TMEM154: variants seen among roughly 807,000 people sequenced by gnomAD.
TMEM154 encodes transmembrane protein 154.
A neutral mutation model predicts 24.5 loss-of-function variants in TMEM154; 27 were observed. The observed-to-expected ratio is 1.10, with a 90% CI of 0.81 to 1.52. The LOEUF (loss-of-function observed/expected upper bound fraction) is 1.52. Among genes scored for constraint, TMEM154 ranks in the 40% most tolerant of loss-of-function variants. The pLI, the probability that TMEM154 is intolerant of heterozygous loss-of-function variation, is 0.00. For synonymous variants in TMEM154, 67 were observed against 76.8 expected, an observed-to-expected ratio of 0.87 and a Z score of 0.67; for missense variants, 228 against 213.4, an observed-to-expected ratio of 1.07 and a Z score of -0.43.
intron 5 of TMEM154, among the ~76,000 whole-genome samples, chr4:152,642,264 ACTGTAGAGTGTTGAATTTGACAGAC>A (rs1303314398): frequency 2.0e-5 from 3 of 151,952 alleles, no homozygotes; most frequent in Non-Finnish European, 4.4e-5. Context: ...TTCTAACTCT[ACTGTAGAGTGTTGAATTTGACAGAC>A]CCTAGGGTAT....
At chr4:152,631,793 CTTTTTTTTTT>C (rs34455123) in intron 6 of TMEM154, among the ~76,000 whole-genome samples, 8 of 61,430 alleles carry the variant, frequency 1.3e-4, no homozygotes, top group Admixed American at 5.3e-4. Context: ...ATCTATCCCC[CTTTTTTTTTT>C]TTTTTTTTTT....
chr4:152,678,445 G>T (rs1159552577), intron 1 of TMEM154, among the ~76,000 whole-genome samples: 1 of 151,174 alleles, frequency 6.6e-6, no homozygotes, highest in African/African-American at 2.4e-5. Flanking sequence ...GTGGAAGGAG[G>T]ATGGCTAGGC....
chr4:152,672,006 G>T (rs1420618229), intron 1 of TMEM154, among the ~76,000 whole-genome samples: 1 of 150,288 alleles, frequency 6.7e-6, no homozygotes, highest in Non-Finnish European at 1.5e-5. Context: ...TATAATCCCA[G>T]GACTTTGGGA....
intron 6 of TMEM154, among the ~76,000 whole-genome samples, chr4:152,629,631 A>G (rs1262748014): frequency 1.3e-5 from 2 of 152,002 alleles, no homozygotes; most frequent in Non-Finnish European, 2.9e-5. Flanking sequence ...ATTTGAAGTG[A>G]CCTCTGCTTC....
chr4:152,671,523 A>G (rs914222238), intron 1 of TMEM154, among the ~76,000 whole-genome samples: 3 of 151,586 alleles, frequency 2.0e-5, no homozygotes, highest in Non-Finnish European at 4.4e-5. Flanking sequence ...CGAGGCGGGC[A>G]GATCACGAGG....
chr4:152,640,290 A>G (rs960603089), intron 6 of TMEM154, among the ~76,000 whole-genome samples: 2 of 152,154 alleles, frequency 1.3e-5, no homozygotes, highest in Non-Finnish European at 2.9e-5. Flanking sequence ...CCAGTCCCCA[A>G]CCTTCTGAAC....
chr4:152,674,262 G>A (rs1216266777), intron 1 of TMEM154, among the ~76,000 whole-genome samples: 1 of 152,036 alleles, frequency 6.6e-6, no homozygotes, highest in East Asian at 1.9e-4. Context: ...TTTTCAGGGA[G>A]CTCCTGTCCA....
intron 1 of TMEM154, among the ~76,000 whole-genome samples, chr4:152,661,351 T>A (rs2149787517): frequency 7.6e-6 from 1 of 132,028 alleles, no homozygotes; most frequent in Admixed American, 8.5e-5. Context: ...TCCCCCCAAC[T>A]CTATGATAGC....
chr4:152,646,975 A>G (rs964148163), intron 3 of TMEM154: 1 of 708,264 alleles, frequency 1.4e-6, no homozygotes, highest in African/African-American at 1.7e-5. Flanking sequence ...AGACACTGCA[A>G]ATTTCATACC....
chr4:152,676,444 T>G (rs1323130274), intron 1 of TMEM154, among the ~76,000 whole-genome samples: 2 of 152,204 alleles, frequency 1.3e-5, no homozygotes, highest in African/African-American at 4.8e-5. Context: ...CTTACTTAGA[T>G]TCACTAATTA....
At chr4:152,655,169 G>A (rs77286800) in intron 1 of TMEM154, among the ~76,000 whole-genome samples, 7,116 of 152,296 alleles carry the variant, frequency 0.047, 201 homozygotes, top group East Asian at 0.072. Flanking sequence ...ATTTAAGGGA[G>A]AACACAGGAA....
chr4:152,649,543 C>T (rs986414169), intron 3 of TMEM154, among the ~76,000 whole-genome samples: 3 of 152,152 alleles, frequency 2.0e-5, no homozygotes, highest in African/African-American at 4.8e-5. Context: ...ATGCTTCCTC[C>T]AGGACTTTTC....
At chr4:152,640,892 C>CCCAAAAA in intron 6 of TMEM154, 36 bp downstream of exon 6, 2 of 1,454,084 alleles carry the variant, frequency 1.4e-6, no homozygotes, top group Non-Finnish European at 1.9e-6. Flanking sequence ...CGCCCCCCGC[C>CCCAAAAA]ATATACATGT....
chr4:152,678,299 T>G (rs1173879050), intron 1 of TMEM154, among the ~76,000 whole-genome samples: 2 of 151,918 alleles, frequency 1.3e-5, no homozygotes, highest in African/African-American at 4.8e-5. Context: ...CTCTTCAGAT[T>G]CTCTTTTTGC....
intron 1 of TMEM154, among the ~76,000 whole-genome samples, chr4:152,676,415 T>C (rs1430880263): frequency 1.3e-5 from 2 of 152,202 alleles, no homozygotes. Flanking sequence ...GGTTAGAGAA[T>C]GGACTCCTGA....
At chr4:152,679,731 T>A in intron 1 of TMEM154, 139 bp downstream of exon 1, 2 of 1,262,196 alleles carry the variant, frequency 1.6e-6, no homozygotes, top group Non-Finnish European at 2.3e-6. Flanking sequence ...AAAAAAGGAG[T>A]TCTAATTTTC....
chr4:152,655,582 C>A (rs868838124), intron 1 of TMEM154, among the ~76,000 whole-genome samples: 4 of 152,266 alleles, frequency 2.6e-5, no homozygotes, highest in African/African-American at 9.6e-5. Context: ...GCGCTGCTGG[C>A]TGCTGCTGCC....
chr4:152,677,617 G>T (rs1294392243), intron 1 of TMEM154, among the ~76,000 whole-genome samples: 1 of 152,102 alleles, frequency 6.6e-6, no homozygotes, highest in South Asian at 2.1e-4. Flanking sequence ...ACAGCTTTTT[G>T]CAAGTGGGCA....
intron 3 of TMEM154, among the ~76,000 whole-genome samples, chr4:152,651,475 T>C (rs925862499): frequency 6.6e-6 from 1 of 152,248 alleles, no homozygotes; most frequent in Non-Finnish European, 1.5e-5. Flanking sequence ...TGTTATGTTA[T>C]AGAAATGGCT....
Sources: gnomAD v4.1 joint callset for allele counts (sites outside exome capture counted in the v4.1 genomes callset) on GRCh38, gnomAD v4.1.1 for gene constraint, MANE v1.5 for transcripts, NCBI Gene and HGNC (gene_info 2026-07-23, HGNC 2026-07-21) for gene names.